Variants in NCOA2 observed in about 807,000 individuals in gnomAD.
NCOA2 encodes the protein nuclear receptor coactivator 2.
Under a neutral mutation model 145.1 loss-of-function variants are expected in NCOA2, and 21 were observed. The ratio of observed to expected loss-of-function variants is 0.14; its 90% CI spans 0.10 to 0.21. The LOEUF is 0.21. Among genes scored for constraint, NCOA2 ranks in the 10% least tolerant of loss-of-function variants. NCOA2 has a pLI of 1.00. For synonymous variants in NCOA2, 619 were observed against 637.5 expected, an observed-to-expected ratio of 0.97 and a Z score of 0.44; for missense variants, 1,472 against 1,837.6, an observed-to-expected ratio of 0.80 and a Z score of 3.64.
At chr8:70,364,671 A>G (rs1445966304) in intron 1 of NCOA2, among the ~76,000 whole-genome samples, 3 of 151,952 alleles carry the variant, frequency 2.0e-5, no homozygotes, top group Non-Finnish European at 4.4e-5. Context: ...AATGGAAGAG[A>G]TAAGACTCAA....
At chr8:70,117,482 T>C (rs192246564) in intron 22 of NCOA2, among the ~76,000 whole-genome samples, 1 of 152,350 alleles carries the variant, frequency 6.6e-6, no homozygotes, top group Admixed American at 6.5e-5. Context: ...CTTCCAAAAA[T>C]GTAGCTGAAT....
the NCOA2 span, among the ~76,000 whole-genome samples, chr8:70,412,922 A>C: frequency 6.6e-6 from 1 of 151,798 alleles, no homozygotes; most frequent in African/African-American, 2.4e-5. Context: ...ACATGGCGAA[A>C]CCCTGTCTCT....
chr8:70,386,540 G>T (rs13276919), intron 1 of NCOA2, among the ~76,000 whole-genome samples: 2 of 151,544 alleles, frequency 1.3e-5, no homozygotes, highest in African/African-American at 4.9e-5. Flanking sequence ...ACATGTCATC[G>T]TCATTTAATC....
upstream of NCOA2, among the ~76,000 whole-genome samples, chr8:70,406,580 A>G (rs1009436372): frequency 5.9e-5 from 9 of 152,206 alleles, no homozygotes; most frequent in Non-Finnish European, 1.0e-4. Context: ...GGAAGTAGAA[A>G]TAACATACCG....
chr8:70,110,620 C>T lies in NCOA2; in HGVS notation c.*3012G>A. 4.8e-6 allele frequency: 1 copy of T among 210,142 alleles called. No homozygotes were observed. 13.0% of individuals were successfully genotyped at this position (210,142 alleles called of 1,614,324 possible). ...GTATCTTTGGGTTCTGCAAGTGGAT[C>T]TGTGCCACCCATTTCATGTGTTAAG... On this transcript the variant is annotated 3_prime_UTR_variant, in exon 23 of 23. Transcript: ENST00000452400.
At chr8:70,182,124 T>C (rs994126672) in intron 4 of NCOA2, among the ~76,000 whole-genome samples, 2 of 152,216 alleles carry the variant, frequency 1.3e-5, no homozygotes, top group African/African-American at 4.8e-5. Flanking sequence ...TCCAAATGTG[T>C]TTATCTTTTC....
At chr8:70,401,147 TTTC>T (rs1814203794) in intron 1 of NCOA2, among the ~76,000 whole-genome samples, 1 of 152,046 alleles carries the variant, frequency 6.6e-6, no homozygotes, top group African/African-American at 2.4e-5. Flanking sequence ...TAGCAGCTGC[TTTC>T]TTTTTAAAAG....
chr8:70,349,978 A>G (rs534442194), intron 1 of NCOA2, among the ~76,000 whole-genome samples: 1 of 152,128 alleles, frequency 6.6e-6, no homozygotes, highest in Admixed American at 6.6e-5. Context: ...CCATTTTAGA[A>G]CCTCAATTAC....
chr8:70,223,624 T>C (rs1447748030), intron 2 of NCOA2, among the ~76,000 whole-genome samples: 1 of 152,222 alleles, frequency 6.6e-6, no homozygotes, highest in Non-Finnish European at 1.5e-5. Context: ...ATAACCATCA[T>C]CCATGGAGTG....
At chr8:70,146,829 G>A (rs1188435563) in intron 12 of NCOA2, among the ~76,000 whole-genome samples, 2 of 151,772 alleles carry the variant, frequency 1.3e-5, no homozygotes, top group Non-Finnish European at 2.9e-5. Flanking sequence ...CCGAGTAGCT[G>A]GGATTACAGG....
At chr8:70,434,765 A>G in the NCOA2 span, among the ~76,000 whole-genome samples, 1 of 152,078 alleles carries the variant, frequency 6.6e-6, no homozygotes, top group African/African-American at 2.4e-5. Context: ...AGATAGGGGT[A>G]ATACTGTGTT....
In NCOA2 at chr8:70,113,425, C is replaced by T. The variant is rs920255426; in HGVS notation, c.*207G>A. On this transcript the variant is annotated 3_prime_UTR_variant, in exon 23 of 23. Coordinates refer to ENST00000452400, the MANE Select transcript of NCOA2 (RefSeq NM_006540.4). ...AACAGACTGAGCGACTGTCTGGATG[C>T]GAGCTTCAGACTGTCAAGAGAAGAG... 4.0e-5 allele frequency: 24 copies of T among 600,902 alleles called. No individual in the cohort carries two copies. Among genetic ancestry groups the T allele is most frequent in the Non-Finnish European group, 5.9e-5 (20 of 336,538 alleles). 37.2% of individuals were successfully genotyped at this position (600,902 alleles called of 1,614,324 possible).
chr8:70,257,707 G>C (rs529365930), intron 2 of NCOA2, among the ~76,000 whole-genome samples: 1 of 151,912 alleles, frequency 6.6e-6, no homozygotes, highest in Non-Finnish European at 1.5e-5. Flanking sequence ...AGAGACTATA[G>C]TTTCCTGCCA....
intron 2 of NCOA2, among the ~76,000 whole-genome samples, chr8:70,244,242 A>G (rs1368852032): frequency 6.6e-6 from 1 of 152,112 alleles, no homozygotes; most frequent in Non-Finnish European, 1.5e-5. Flanking sequence ...CATTAGCAAA[A>G]TCATTCTCCG....
intron 2 of NCOA2, among the ~76,000 whole-genome samples, chr8:70,289,503 G>A (rs1366592550): frequency 1.3e-5 from 2 of 151,942 alleles, no homozygotes; most frequent in African/African-American, 4.8e-5. Flanking sequence ...CACTTCTCAG[G>A]GAAACATGAT....
chr8:70,352,059 C>A (rs1414130720), intron 1 of NCOA2, among the ~76,000 whole-genome samples: 1 of 152,024 alleles, frequency 6.6e-6, no homozygotes, highest in African/African-American at 2.4e-5. Flanking sequence ...TCTACCCATG[C>A]ATGTGATTTA....
chr8:70,322,365 TGTG>T (rs1448885489), intron 1 of NCOA2, among the ~76,000 whole-genome samples: 1 of 152,176 alleles, frequency 6.6e-6, no homozygotes, highest in Admixed American at 6.6e-5. Context: ...GATAAATAGT[TGTG>T]GTTGCTGTAA....
At chr8:70,222,969 G>A (rs1820290322) in intron 2 of NCOA2, among the ~76,000 whole-genome samples, 1 of 152,144 alleles carries the variant, frequency 6.6e-6, no homozygotes, top group Admixed American at 6.5e-5. Flanking sequence ...GCCAGTTACT[G>A]GACTGCTTAT....
intron 2 of NCOA2, among the ~76,000 whole-genome samples, chr8:70,224,747 T>C (rs1357616125): frequency 6.6e-6 from 1 of 151,074 alleles, no homozygotes; most frequent in Non-Finnish European, 1.5e-5. Flanking sequence ...AAACTCACAC[T>C]TGATACGTTA....
Sources: gnomAD v4.1 joint callset for allele counts (sites outside exome capture counted in the v4.1 genomes callset) on GRCh38, gnomAD v4.1.1 for gene constraint, MANE v1.5 for transcripts, NCBI Gene and HGNC (gene_info 2026-07-23, HGNC 2026-07-21) for gene names.